TEKT5: variants seen among roughly 807,000 people sequenced by gnomAD.
The protein encoded by TEKT5 is tektin-5.
TEKT5 carries 52 observed loss-of-function variants against 48.7 expected under a neutral mutation model. That is an observed-to-expected ratio of 1.07 (90% CI 0.86 to 1.35). The LOEUF (loss-of-function observed/expected upper bound fraction) is 1.35. TEKT5 is among the 40% of genes most tolerant of loss of function. The pLI is 0.00. For missense variants in TEKT5, 831 were observed against 641.6 expected, an observed-to-expected ratio of 1.30 and a Z score of -3.19; for synonymous variants, 318 against 267.6, an observed-to-expected ratio of 1.19 and a Z score of -1.84.
chr16:10,679,115 G>A (rs570798892), intron 4 of TEKT5, among the ~76,000 whole-genome samples: 2 of 152,228 alleles, frequency 1.3e-5, no homozygotes, highest in Admixed American at 6.5e-5. Flanking sequence ...CAACCCCCAG[G>A]GTTGCTGAGT....
In TEKT5 at chr16:10,651,835, G is replaced by A. The variant is rs149488128; in HGVS notation, c.1087-15917C>T. Among the ~76,000 whole-genome samples, 1,288 of 152,232 alleles carry A rather than the reference G, an allele frequency of 8.5e-3. 21 individuals carry two copies. Among genetic ancestry groups the A allele is most frequent in the African/African-American group, 0.029 (1,194 of 41,538 alleles). The stretch of plus-strand genomic sequence containing the variant: ...AAATTAGCCAGGTGTGGTGGCAGGT[G>A]CCTGTAATCCAAGCTACTTGAGAGG... On this transcript the variant is annotated intron_variant, in intron 5 of 6. Coordinates refer to ENST00000283025, the MANE Select transcript of TEKT5 (RefSeq NM_144674.2).
intron 6 of TEKT5, among the ~76,000 whole-genome samples, chr16:10,629,725 C>T (rs935790706): frequency 6.6e-6 from 1 of 151,478 alleles, no homozygotes; most frequent in Non-Finnish European, 1.5e-5. Flanking sequence ...CCAATCTGAG[C>T]TATCTCACCT....
intron 5 of TEKT5, among the ~76,000 whole-genome samples, chr16:10,637,494 A>G (rs77633720): frequency 7.0e-5 from 9 of 128,454 alleles, no homozygotes; most frequent in South Asian, 2.5e-4. Context: ...AAGGAAGGCA[A>G]GAAGGAAGAC....
At chr16:10,628,160 C>T (rs977058156) in intron 6 of TEKT5, among the ~76,000 whole-genome samples, 4 of 152,120 alleles carry the variant, frequency 2.6e-5, no homozygotes, top group African/African-American at 9.7e-5. Flanking sequence ...ACAGGTTATT[C>T]GGTTCAAGGT....
At chr16:10,636,517 G>A (rs951750310) in intron 5 of TEKT5, among the ~76,000 whole-genome samples, 1 of 152,092 alleles carries the variant, frequency 6.6e-6, no homozygotes, top group African/African-American at 2.4e-5. Context: ...TTGCCAATCA[G>A]TGCTCAGCAG....
rs773154491 is a variant in TEKT5, at chr16:10,682,082, C to T, written c.774G>A (p.Ser258=). The T allele has an allele frequency of 9.3e-6, 15 of 1,614,146 alleles. No individual in the cohort carries two copies. The Admixed American group carries it at 1.2e-4, about 13-fold the overall frequency. ...AGCACTTCTCATCGATACACTGGGC[C>T]GAGCTTTTGTCTTCGAGGTCCCTCT... ...VLERDLEDKS[S]AQCIDEKCFN... Residue 258 remains serine (S), a synonymous_variant, in exon 4 of 7, where the codon TCG becomes TCA. Transcript: ENST00000283025.
At chr16:10,648,566 G>C (rs2719758) in intron 5 of TEKT5, among the ~76,000 whole-genome samples, 3 of 152,006 alleles carry the variant, frequency 2.0e-5, no homozygotes, top group Non-Finnish European at 2.9e-5. Flanking sequence ...TCCCGGCCTC[G>C]AGTGATCCGC....
Position 10,636,248 on chromosome 16 carries a change from G to A in TEKT5, c.1087-330C>T, listed in dbSNP as rs571880903. 6.6e-5 allele frequency among the ~76,000 whole-genome samples: 10 copies of A among 152,168 alleles called. 1 individual carries two copies. The highest frequency in any genetic ancestry group is 6.2e-4 in the South Asian group (3 of 4,808). ...AAATTAGCCGGGCGTGGTGGCAGGCGCCTGTAATCCCAGCTACTCGGGGGA... is the reference window on the plus strand; with the variant it reads ...AAATTAGCCGGGCGTGGTGGCAGGCACCTGTAATCCCAGCTACTCGGGGGA... On this transcript the variant is annotated intron_variant, in intron 5 of 6. Coordinates refer to ENST00000283025, the MANE Select transcript of TEKT5 (RefSeq NM_144674.2).
chr16:10,682,918 A>G (rs1898782976), intron 3 of TEKT5, among the ~76,000 whole-genome samples: 1 of 152,354 alleles, frequency 6.6e-6, no homozygotes, highest in South Asian at 2.1e-4. Flanking sequence ...TTGTAAATCA[A>G]TCATTGTGTC....
intron 6 of TEKT5, among the ~76,000 whole-genome samples, chr16:10,632,938 C>T (rs940587973): frequency 6.6e-6 from 1 of 151,048 alleles, no homozygotes; most frequent in Admixed American, 6.6e-5. Flanking sequence ...ACCAAACATG[C>T]TCCACCTCCT....
rs981001356 is a variant in TEKT5 at position 10,674,173 on chromosome 16, C to T, written c.1086+1786G>A. On this transcript the variant is annotated intron_variant, in intron 5 of 6. Transcript: ENST00000283025. ...CTTCCTTTGCCCTTGCTGCTCTCTCCGGAATCCTCTTCCCACCAACTTTTG... is the reference window on the plus strand; with the variant it reads ...CTTCCTTTGCCCTTGCTGCTCTCTCTGGAATCCTCTTCCCACCAACTTTTG... Among the ~76,000 whole-genome samples the T allele has an allele frequency of 4.6e-5, 7 of 151,910 alleles. No individual in the cohort carries two copies. In the East Asian group the frequency reaches 7.8e-4, roughly 17 times the overall value.
intron 4 of TEKT5, among the ~76,000 whole-genome samples, chr16:10,677,854 G>C (rs759598037): frequency 5.3e-5 from 8 of 152,154 alleles, no homozygotes; most frequent in Non-Finnish European, 1.0e-4. Context: ...GAGAGCCCAG[G>C]AGAGGTCTGC....
intron 5 of TEKT5, among the ~76,000 whole-genome samples, chr16:10,672,462 G>T (rs115847898): frequency 1.3e-5 from 2 of 152,084 alleles, no homozygotes; most frequent in Non-Finnish European, 2.9e-5. Flanking sequence ...GCGTGATGGC[G>T]GGGGGTGTCT....
intron 5 of TEKT5, among the ~76,000 whole-genome samples, chr16:10,670,842 T>C (rs931280504): frequency 5.9e-5 from 9 of 152,166 alleles, no homozygotes; most frequent in African/African-American, 2.2e-4. Flanking sequence ...AAAACTTCCC[T>C]GGAGGAATTT....
intron 4 of TEKT5, among the ~76,000 whole-genome samples, chr16:10,678,019 C>T (rs754539923): frequency 6.6e-6 from 1 of 152,170 alleles, no homozygotes; most frequent in Non-Finnish European, 1.5e-5. Context: ...TAAAGTTCTT[C>T]CTGGCAGAGC....
chr16:10,652,868 C>CAGGCAGAGACATACACACACAT (rs1567228474), intron 5 of TEKT5, among the ~76,000 whole-genome samples: 2,235 of 58,392 alleles, frequency 0.038, 295 homozygotes, highest in Middle Eastern at 0.11. Context: ...CACACACACA[C>CAGGCAGAGACATACACACACAT]ACCCTCCAGG....
intron 1 of TEKT5, among the ~76,000 whole-genome samples, chr16:10,690,273 A>G (rs1263046346): frequency 1.3e-5 from 2 of 152,220 alleles, no homozygotes; most frequent in Non-Finnish European, 2.9e-5. Context: ...AGGATAAAGT[A>G]GCATCCCAAG....
At chr16:10,657,322 T>C (rs2142282141) in intron 5 of TEKT5, among the ~76,000 whole-genome samples, 1 of 151,786 alleles carries the variant, frequency 6.6e-6, no homozygotes. Context: ...GAAACAGGGT[T>C]TCACCATGTT....
chr16:10,635,661 T>C, intron 6 of TEKT5, 103 bp downstream of exon 6: 55 of 1,498,090 alleles, frequency 3.7e-5, no homozygotes, highest in Non-Finnish European at 4.9e-5. Flanking sequence ...TGAAGGAGGG[T>C]CCATTTTTCA....
Sources: allele counts gnomAD v4.1 joint callset (sites outside exome capture counted in the v4.1 genomes callset), GRCh38; gene constraint gnomAD v4.1.1; transcripts MANE v1.5; gene names NCBI Gene and HGNC (gene_info 2026-07-23, HGNC 2026-07-21).